The following SUPT7L variants were observed in gnomAD, a reference collection of about 807,000 sequenced individuals.
The protein encoded by SUPT7L is SPT7 like, STAGA complex subunit gamma.
In SUPT7L, 15 loss-of-function variants were observed where a neutral mutation model predicts 35.7. The ratio of observed to expected loss-of-function variants is 0.42; its 90% CI spans 0.28 to 0.65. The LOEUF is 0.65. Ranked by LOEUF, SUPT7L falls within the 30% of genes least tolerant of loss-of-function variation. The pLI is 0.23. For synonymous variants in SUPT7L, 168 were observed against 186.2 expected (o/e 0.90, Z 0.79); for missense variants, 434 against 522.2 (o/e 0.83, Z 1.65).
chr2:27,656,362 A>G (rs1558499011), intron 4 of SUPT7L, among the ~76,000 whole-genome samples: 1 of 151,924 alleles, frequency 6.6e-6, no homozygotes, highest in African/African-American at 2.4e-5. Context: ...CAAAATCATC[A>G]CCCCCCACCA....
Position 27,657,090 on chromosome 2 carries a change from T to C in SUPT7L, c.744+255A>G, listed in dbSNP as rs1210108801. Among the ~76,000 whole-genome samples, 1 of 152,244 alleles carries C rather than the reference T, an allele frequency of 6.6e-6. No individual in the cohort carries two copies. Among genetic ancestry groups the C allele is most frequent in the African/African-American group, 2.4e-5 (1 of 41,472 alleles). ...ACTTGTTGAATAAAATCAGACTAAC[T>C]GCATTCTCTCAGATTCCATATACTT... On this transcript the variant is annotated intron_variant, in intron 4 of 5. Transcript: ENST00000337768. The surrounding 1 kb of genome is among the most constrained non-coding windows in gnomAD (Gnocchi z 5.2).
At chr2:27,645,635 A>T in the SUPT7L span, among the ~76,000 whole-genome samples, 1 of 150,856 alleles carries the variant, frequency 6.6e-6, no homozygotes, top group Admixed American at 6.6e-5. Context: ...GGTTTTTCTT[A>T]TTTCTTTTTA....
At chr2:27,648,102 A>G (rs568631210), downstream of SUPT7L, among the ~76,000 whole-genome samples, 7 of 152,346 alleles carry the variant, frequency 4.6e-5, no homozygotes, top group African/African-American at 1.7e-4. Flanking sequence ...TGTCCTGCCT[A>G]CTGGATGGTT....
downstream of SUPT7L, chr2:27,650,768 GAA>G (rs953427697): frequency 6.5e-6 from 1 of 152,708 alleles, no homozygotes; most frequent in African/African-American, 2.4e-5. Flanking sequence ...CAGGTTTGTT[GAA>G]AAAAGTGGGC....
chr2:27,655,219 A>T (rs1553360791), intron 5 of SUPT7L, 146 bp downstream of exon 5: 1 of 620,724 alleles, frequency 1.6e-6, no homozygotes, highest in Non-Finnish European at 2.8e-6. Flanking sequence ...ATCTCTAGAT[A>T]GGTGAAACTG....
At position 27,653,093 on chromosome 2, in the gene SUPT7L, C is replaced by T. The variant is rs1572972327; in HGVS notation, c.*392G>A. 1 of 209,374 alleles carries T rather than the reference C, an allele frequency of 4.8e-6. No homozygotes were observed. The highest frequency in any genetic ancestry group is 1.2e-4 in the East Asian group (1 of 8,400). The allele number at this position is 209,374 out of a possible 1,614,324, so 13.0% of individuals were successfully genotyped here. On this transcript the variant is annotated 3_prime_UTR_variant, in exon 6 of 6. Coordinates refer to ENST00000337768, the MANE Select transcript of SUPT7L (RefSeq NM_014860.3). ...TATGAGCATATATTATTAGTCTATT[C>T]AAGCACAGTTTTGAAGTTAGCAAAC...
chr2:27,661,524 T>C (rs552777370), intron 2 of SUPT7L, 136 bp from the exon 3 acceptor site: 2 of 1,465,976 alleles, frequency 1.4e-6, no homozygotes, highest in Admixed American at 5.4e-5. Context: ...GCCAGTTATT[T>C]ATGTAAAAAG....
Position 27,657,580 on chromosome 2 carries a change from C to A in SUPT7L, c.509G>T (p.Gly170Val), listed in dbSNP as rs757169060. 1 of 1,614,138 alleles carries A rather than the reference C, an allele frequency of 6.2e-7. No homozygotes were observed. The highest frequency in any genetic ancestry group is 1.3e-5 in the African/African-American group (1 of 74,942). Residue 170 changes from glycine (G) to valine (V), a missense_variant, in exon 4 of 6, where the codon GGC (glycine) becomes GTC (valine). Coordinates refer to ENST00000337768, the MANE Select transcript of SUPT7L (RefSeq NM_014860.3). The surrounding 1 kb of genome is among the most constrained non-coding windows in gnomAD (Gnocchi z 5.2). ...GACACTCTCATTAGCACAGTCAAAG[C>A]CCGCGTGGGCCAGGATTGTGGCCAC... ...QAVATILAHA[G>V]FDCANESVLE...
the SUPT7L span, among the ~76,000 whole-genome samples, chr2:27,644,542 A>AT: frequency 6.6e-3 from 991 of 150,536 alleles, 9 homozygotes; most frequent in Non-Finnish European, 0.012. Flanking sequence ...GAATTCACCT[A>AT]TTTTTTTTTA....
In SUPT7L at chr2:27,653,472, C is replaced by T; in HGVS notation, c.*13G>A. The T allele has an allele frequency of 6.2e-7, 1 of 1,610,630 alleles. No individual in the cohort carries two copies. The highest frequency in any genetic ancestry group is 1.1e-5 in the South Asian group (1 of 91,018). On this transcript the variant is annotated 3_prime_UTR_variant, in exon 6 of 6. Coordinates refer to ENST00000337768, the MANE Select transcript of SUPT7L (RefSeq NM_014860.3). The stretch of plus-strand genomic sequence containing the variant: ...TCTAGTAGGTCTGGACAAAACATCT[C>T]CCTCTTTTCCTTTTATATTTTCCTC...
the SUPT7L span, among the ~76,000 whole-genome samples, chr2:27,642,958 TACACACACACACACACAC>T: frequency 4.9e-5 from 6 of 122,660 alleles, no homozygotes; most frequent in South Asian, 1.7e-3. Context: ...TATATATATA[TACACACACACACACACAC>T]ACACACACAC....
chr2:27,655,310 G>C, intron 5 of SUPT7L, 55 bp downstream of exon 5: 1 of 1,472,608 alleles, frequency 6.8e-7, no homozygotes, highest in Admixed American at 2.4e-5. Context: ...AAAGCAAAAA[G>C]TACTGAAATT....
rs377404337 is a variant in SUPT7L, at chr2:27,655,537, A to C, written c.810T>G (p.Ala270=). The change falls in exon 5 of 6, where the codon GCT becomes GCG. Residue 270 remains alanine, a synonymous_variant. Transcript: ENST00000337768. ...GTTCCTCCTTGATCTTCACAGGTTTAGCGTCCTCTGTGGCCTTCTCAGGAT... is the reference window on the plus strand; with the variant it reads ...GTTCCTCCTTGATCTTCACAGGTTTCGCGTCCTCTGTGGCCTTCTCAGGAT... ...IVNPEKATED[A]KPVKIKEEPV... is the part of the protein sequence containing the mutation. 2 of 1,614,068 alleles carry C rather than the reference A, an allele frequency of 1.2e-6. No homozygotes were observed. Among genetic ancestry groups the C allele is most frequent in the African/African-American group, 2.7e-5 (2 of 75,040 alleles).
At chr2:27,655,825 A>G (rs990962983) in intron 4 of SUPT7L, among the ~76,000 whole-genome samples, 1 of 152,228 alleles carries the variant, frequency 6.6e-6, no homozygotes, top group African/African-American at 2.4e-5. Flanking sequence ...TCATTAATTA[A>G]AAGTTACATA....
chr2:27,659,761 GA>G (rs553470320), intron 3 of SUPT7L, among the ~76,000 whole-genome samples: 60 of 152,060 alleles, frequency 3.9e-4, no homozygotes, highest in Admixed American at 1.8e-3. Flanking sequence ...TAAAATGGGG[GA>G]AAAAATGTGT....
chr2:27,647,262 T>G (rs559552413), downstream of SUPT7L, among the ~76,000 whole-genome samples: 4 of 151,978 alleles, frequency 2.6e-5, no homozygotes, highest in East Asian at 7.7e-4. Flanking sequence ...ATTAGACTTC[T>G]CTCTGATTAC....
chr2:27,662,664 C>T (rs1675169985), intron 1 of SUPT7L, among the ~76,000 whole-genome samples: 1 of 152,190 alleles, frequency 6.6e-6, no homozygotes, highest in Non-Finnish European at 1.5e-5. Flanking sequence ...TAGTACTTAT[C>T]GCAATAGATT....
At chr2:27,642,956 TATACAC>T in the SUPT7L span, among the ~76,000 whole-genome samples, 12 of 85,830 alleles carry the variant, frequency 1.4e-4, no homozygotes, top group East Asian at 9.3e-4. Context: ...TATATATATA[TATACAC>T]ACACACACAC....
the SUPT7L span, among the ~76,000 whole-genome samples, chr2:27,643,330 C>T: frequency 6.6e-6 from 1 of 151,512 alleles, no homozygotes; most frequent in South Asian, 2.1e-4. This position sits in a 1 kb window ranked among gnomAD's most constrained non-coding sequence, Gnocchi z 4.0. Flanking sequence ...TATTCTTTAT[C>T]TATATATGAC....
Sources: allele counts gnomAD v4.1 joint callset (sites outside exome capture counted in the v4.1 genomes callset), GRCh38; gene constraint gnomAD v4.1.1; non-coding constraint Gnocchi (gnomAD v3.1); transcripts MANE v1.5; gene names NCBI Gene and HGNC (gene_info 2026-07-23, HGNC 2026-07-21).